Variants in LCN12 observed in about 807,000 individuals in gnomAD.
LCN12 encodes lipocalin 12, also known as epididymal-specific lipocalin-12.
In LCN12, 15 loss-of-function variants were observed where a neutral mutation model predicts 23.7. The observed-to-expected ratio is 0.63, with a 90% CI of 0.42 to 0.97. The LOEUF (loss-of-function observed/expected upper bound fraction) is 0.97, where lower values mean the gene tolerates loss of function less well. LCN12 is among the 50% of genes least tolerant of loss of function. The pLI is 0.00. For synonymous variants in LCN12, 116 were observed against 111.5 expected (o/e 1.04, Z -0.25); for missense variants, 219 against 249.6 (o/e 0.88, Z 0.83).
downstream of LCN12, chr9:136,955,534 A>AGCGTCAGATGTGTAT: frequency 1.0e-6 from 1 of 969,706 alleles, no homozygotes. Context: ...TGGGTTGGGC[A>AGCGTCAGATGTGTAT]AAGAGACAGG....
At chr9:136,954,717 A>T (rs1203385041) in intron 5 of LCN12, 1 of 1,290,648 alleles carries the variant, frequency 7.7e-7, no homozygotes, top group South Asian at 1.2e-5. Flanking sequence ...GCTTGGACTC[A>T]TCCCAGGAGG....
At chr9:136,955,125 C>T (rs1588477249) in intron 5 of LCN12, 1 of 1,417,640 alleles carries the variant, frequency 7.1e-7, no homozygotes, top group East Asian at 2.6e-5. Context: ...CCCATGGGGA[C>T]AGGGACAGGT....
At chr9:136,951,892 C>T (rs1054386454), upstream of LCN12, among the ~76,000 whole-genome samples, 2 of 152,242 alleles carry the variant, frequency 1.3e-5, no homozygotes, top group African/African-American at 4.8e-5. Flanking sequence ...CGGGTTTGGC[C>T]ACAGCTGGGC....
Position 136,953,049 on chromosome 9 carries a change from T to A in LCN12, c.251+21T>A, listed in dbSNP as rs762162178. The A allele has an allele frequency of 2.5e-6, 4 of 1,612,988 alleles. No individual in the cohort carries two copies. In the East Asian group the frequency reaches 8.9e-5, roughly 36 times the overall value. ...ACTCGGTGAGTGGCTGTCCCTGCCG[T>A]TCCAAGCGGGTGAGGAGGATCCCGG... On this transcript the variant is annotated intron_variant, in intron 2 of 5. Coordinates refer to ENST00000371633, the MANE Select transcript of LCN12 (RefSeq NM_178536.4).
At chr9:136,953,186 A>C in intron 2 of LCN12, 158 bp downstream of exon 2, 2 of 1,018,632 alleles carry the variant, frequency 2.0e-6, no homozygotes, top group Non-Finnish European at 2.8e-6. Flanking sequence ...GTATACAAAA[A>C]AGTGTGGGCA....
At chr9:136,954,282 T>G in intron 5 of LCN12, 27 bp downstream of exon 5, 1 of 1,554,168 alleles carries the variant, frequency 6.4e-7, no homozygotes, top group South Asian at 1.2e-5. Context: ...GCAGGCATGC[T>G]GGGCAGTAGG....
chr9:136,954,787 C>A (rs1304910707), intron 5 of LCN12: 2 of 1,290,406 alleles, frequency 1.5e-6, no homozygotes, highest in African/African-American at 1.5e-5. Context: ...CTCAGACAGC[C>A]GCGGCCCCCA....
upstream of LCN12, among the ~76,000 whole-genome samples, chr9:136,950,732 C>G (rs1048196896): frequency 1.3e-5 from 2 of 152,174 alleles, no homozygotes; most frequent in African/African-American, 4.8e-5. Context: ...TTTTCCTTCC[C>G]TGGGCCAGCC....
chr9:136,955,344 C>T, intron 5 of LCN12, 27 bp from the exon 6 acceptor site: 1 of 1,611,602 alleles, frequency 6.2e-7, no homozygotes, highest in Non-Finnish European at 8.5e-7. Context: ...CCTTTGTCCT[C>T]CATCCCGACT....
downstream of LCN12, among the ~76,000 whole-genome samples, chr9:136,956,370 C>T (rs1416174260): frequency 6.6e-6 from 1 of 152,166 alleles, no homozygotes; most frequent in African/African-American, 2.4e-5. Flanking sequence ...TCATGTGCAC[C>T]TCCTGCTGGG....
At position 136,953,493 on chromosome 9, in the gene LCN12, C is replaced by T. The variant is rs962011725; in HGVS notation, c.252-207C>T. The T allele has an allele frequency of 7.1e-6, 4 of 562,956 alleles. No homozygotes were observed. In the African/African-American group the frequency reaches 7.5e-5, roughly 11 times the overall value. 34.9% of individuals were successfully genotyped at this position (562,956 alleles called of 1,614,324 possible). ...GCGCACACCTGTAATCCCAGTACTT[C>T]AGGAGGCAGAGGCAGAAGGATCACT... On this transcript the variant is annotated intron_variant, in intron 2 of 5. Transcript: ENST00000371633.
chr9:136,952,399 C>G lies in LCN12; in HGVS notation c.72C>G (p.Pro24=), dbSNP rs556102912. 301 of 1,613,306 alleles carry G rather than the reference C, an allele frequency of 1.9e-4. 9 individuals carry two copies. The South Asian group carries it at 3.2e-3, about 17-fold the overall frequency. Reference sequence around the variant, plus strand: ...TCCTGCAGGCCCAGACCCCAACCCCCCTGCCACTCCCGCCCCCGATGCAGA... The same window carrying G: ...TCCTGCAGGCCCAGACCCCAACCCCGCTGCCACTCCCGCCCCCGATGCAGA... The part of the protein sequence containing the change: ...LKVLQAQTPT[P]LPLPPPMQSF... Residue 24 remains proline, a synonymous_variant, in exon 1 of 6, where the codon CCC becomes CCG. Transcript: ENST00000371633.
rs752339711 is a variant in LCN12 at position 136,955,421 on chromosome 9, G to C, written c.*22G>C. 2.7e-5 allele frequency: 44 copies of C among 1,610,616 alleles called. No homozygotes were observed. Among genetic ancestry groups the C allele is most frequent in the Non-Finnish European group, 3.5e-5 (41 of 1,177,700 alleles). On this transcript the variant is annotated 3_prime_UTR_variant, in exon 6 of 6. Coordinates refer to ENST00000371633, the MANE Select transcript of LCN12 (RefSeq NM_178536.4). ...TTGAAGGATGAAGCAGCTCCTGTCC[G>C]GCCCAGCCCTGCCTCACAGCTGTGC...
At chr9:136,954,107 AC>A in intron 4 of LCN12, 46 bp from the exon 5 acceptor site, 1 of 1,514,262 alleles carries the variant, frequency 6.6e-7, no homozygotes. Flanking sequence ...CCAGCCCCCA[AC>A]CCCCTGCCAA....
downstream of LCN12, among the ~76,000 whole-genome samples, chr9:136,955,862 C>T (rs1230456850): frequency 1.3e-5 from 2 of 152,296 alleles, no homozygotes; most frequent in Non-Finnish European, 2.9e-5. Context: ...ACTCAGACCC[C>T]GAGCTGTCCC....
At chr9:136,954,677 C>G in intron 5 of LCN12, 1 of 1,274,258 alleles carries the variant, frequency 7.8e-7, no homozygotes, top group South Asian at 1.2e-5. Flanking sequence ...TGGGCCACCT[C>G]CTCCCCTCAC....
At chr9:136,956,276 A>AC (rs141962398), downstream of LCN12, among the ~76,000 whole-genome samples, 1 of 151,750 alleles carries the variant, frequency 6.6e-6, no homozygotes, top group South Asian at 2.1e-4. Flanking sequence ...GCATCCAGAG[A>AC]CCCCCAACCT....
chr9:136,951,830 G>A (rs187670929), upstream of LCN12, among the ~76,000 whole-genome samples: 749 of 152,378 alleles, frequency 4.9e-3, no homozygotes, highest in Non-Finnish European at 8.6e-3. Context: ...GAGCCAGGCA[G>A]GGTGGGGGTA....
upstream of LCN12, among the ~76,000 whole-genome samples, chr9:136,949,203 G>A (rs1002383570): frequency 5.9e-5 from 9 of 152,188 alleles, no homozygotes; most frequent in African/African-American, 1.9e-4. Flanking sequence ...GATCTGACTG[G>A]GTGGGCAACA....
Sources: allele counts gnomAD v4.1 joint callset (sites outside exome capture counted in the v4.1 genomes callset), GRCh38; gene constraint gnomAD v4.1.1; transcripts MANE v1.5; gene names NCBI Gene and HGNC (gene_info 2026-07-23, HGNC 2026-07-21).